The following HOXB3 variants were observed in gnomAD, a reference collection of about 807,000 sequenced individuals.
HOXB3 encodes the protein homeobox protein Hox-B3.
A neutral mutation model predicts 29.2 loss-of-function variants in HOXB3; 17 were observed. That is an observed-to-expected ratio of 0.58 (90% CI 0.40 to 0.87). The LOEUF (loss-of-function observed/expected upper bound fraction) is 0.87, where lower values mean the gene tolerates loss of function less well. Among genes scored for constraint, HOXB3 ranks in the 40% least tolerant of loss-of-function variants. The pLI, the probability that HOXB3 is intolerant of heterozygous loss-of-function variation, is 0.00. For synonymous variants in HOXB3, 317 were observed against 285.9 expected (o/e 1.11, Z -1.10); for missense variants, 637 against 616.3 (o/e 1.03, Z -0.35).
chr17:48,551,988 C>A (rs751520620), intron 4 of HOXB3, 39 bp downstream of exon 4: 1 of 1,517,640 alleles, frequency 6.6e-7, no homozygotes, highest in East Asian at 2.3e-5. Context: ...TTCCTGGCTC[C>A]GACAAAAGCT....
At chr17:48,589,471 G>A (rs967553261) in intron 1 of HOXB3, among the ~76,000 whole-genome samples, 1 of 152,186 alleles carries the variant, frequency 6.6e-6, no homozygotes, top group African/African-American at 2.4e-5. Flanking sequence ...GAGCCAAGGA[G>A]AAAGATTAGC....
At chr17:48,576,732 C>T (rs1408525482) in intron 1 of HOXB3, 11 of 1,607,108 alleles carry the variant, frequency 6.8e-6, no homozygotes, top group South Asian at 2.2e-5. Context: ...CTAGAGCGCG[C>T]GGGGGCCTCC....
At chr17:48,555,180 TG>T (rs2068914001) in intron 3 of HOXB3, among the ~76,000 whole-genome samples, 1 of 151,084 alleles carries the variant, frequency 6.6e-6, no homozygotes, top group Non-Finnish European at 1.5e-5. Flanking sequence ...AAAAAATTAA[TG>T]GGAGAAAGAA....
intron 2 of HOXB3, among the ~76,000 whole-genome samples, chr17:48,567,228 T>C (rs1311320790): frequency 6.6e-6 from 1 of 152,196 alleles, no homozygotes; most frequent in Non-Finnish European, 1.5e-5. Context: ...GAGCAGAGTG[T>C]GGGAGCGAGC....
chr17:48,560,862 A>C (rs2069168691), intron 2 of HOXB3, among the ~76,000 whole-genome samples: 1 of 152,190 alleles, frequency 6.6e-6, no homozygotes, highest in African/African-American at 2.4e-5. Flanking sequence ...GGCACCTGCT[A>C]TCACAGAATC....
chr17:48,555,377 GGAGGGAGGGAGGGAGA>G (rs2068940320), intron 3 of HOXB3, 138 bp downstream of exon 3: 2 of 626,880 alleles, frequency 3.2e-6, no homozygotes, highest in African/African-American at 4.0e-5. Flanking sequence ...AGGGAGGGAG[GGAGGGAGGGAGGGAGA>G]GAGAGAGTCG....
rs1414147639 is a variant in HOXB3, at chr17:48,550,668, T to C, written c.962A>G (p.Tyr321Cys). 1 of 1,528,000 alleles carries C rather than the reference T, an allele frequency of 6.5e-7. No homozygotes were observed. The highest frequency in any genetic ancestry group is 8.8e-7 in the Non-Finnish European group (1 of 1,139,958). The allele number at this position is 1,528,000 out of a possible 1,614,324, so 94.7% of individuals were successfully genotyped here. A position where few individuals can be genotyped will look rare whatever the true frequency, so the allele number is the denominator to read the frequency against. ...ATACTCGGGCGCCGGGGTCGGAGGG[T>C]ACTTCTGCGGGGCGCCGCAGCCTTT... Reference protein sequence around the residue: ...PLKGCGAPQKYPPTPAPEYEP... With the variant: ...PLKGCGAPQKCPPTPAPEYEP... The change falls in exon 5 of 5, where the codon TAC (tyrosine) becomes TGC (cysteine). Residue 321 changes from tyrosine to cysteine, a missense_variant. Transcript: ENST00000498678.
rs1371244354 is a variant in HOXB3 at position 48,554,457 on chromosome 17, C to A, written c.-159+1074G>T. 3.3e-6 allele frequency: 2 copies of A among 598,372 alleles called. No individual in the cohort carries two copies. The highest frequency in any genetic ancestry group is 6.0e-6 in the Non-Finnish European group (2 of 336,104). The allele number at this position is 598,372 out of a possible 1,614,324, so 37.1% of individuals were successfully genotyped here. A position where few individuals can be genotyped will look rare whatever the true frequency, so the allele number is the denominator to read the frequency against. ...AAACCATCGCGGGACGGAGGCCAGG[C>A]GAGTGTGGAAAGCGAAGGAGCCAGA... On this transcript the variant is annotated intron_variant, in intron 3 of 4. Transcript: ENST00000498678. This position sits in a 1 kb window ranked among gnomAD's most constrained non-coding sequence, Gnocchi z 4.1.
chr17:48,563,357 G>A (rs1037922909), intron 2 of HOXB3, among the ~76,000 whole-genome samples: 1 of 152,162 alleles, frequency 6.6e-6, no homozygotes, highest in Non-Finnish European at 1.5e-5. Flanking sequence ...AGAACATGGG[G>A]TCTCTCTCCT....
At chr17:48,562,135 A>G (rs2069218742) in intron 2 of HOXB3, among the ~76,000 whole-genome samples, 1 of 152,112 alleles carries the variant, frequency 6.6e-6, no homozygotes, top group East Asian at 1.9e-4. Flanking sequence ...TTCTACCCTC[A>G]TTACCAAACC....
At chr17:48,579,956 C>T (rs1180867247) in intron 1 of HOXB3, 3 of 511,168 alleles carry the variant, frequency 5.9e-6, no homozygotes, top group Non-Finnish European at 1.2e-5. Context: ...TCTTCTTGGC[C>T]CAGAAATTTT....
intron 2 of HOXB3, among the ~76,000 whole-genome samples, chr17:48,568,573 AT>A (rs1214959690): frequency 6.6e-6 from 1 of 152,114 alleles, no homozygotes; most frequent in Non-Finnish European, 1.5e-5. Context: ...TCCGTGAAAA[AT>A]GATTTATCGA....
intron 2 of HOXB3, among the ~76,000 whole-genome samples, chr17:48,559,140 T>C (rs1389767641): frequency 6.6e-6 from 1 of 151,840 alleles, no homozygotes; most frequent in Non-Finnish European, 1.5e-5. Flanking sequence ...GGCACTTCTC[T>C]CCCCCACCCC....
At position 48,550,642 on chromosome 17, in the gene HOXB3, C is replaced by T. The variant is rs780476140; in HGVS notation, c.988G>A (p.Glu330Lys). 33 of 1,524,872 alleles carry T rather than the reference C, an allele frequency of 2.2e-5. No individual in the cohort carries two copies. The highest frequency in any genetic ancestry group is 1.2e-4 in the South Asian group (9 of 76,416). 94.5% of individuals were successfully genotyped at this position (1,524,872 alleles called of 1,614,324 possible). The change falls in exon 5 of 5, where the codon GAG becomes AAG. Residue 330 changes from glutamate to lysine, a missense_variant. Coordinates refer to ENST00000498678, the MANE Select transcript of HOXB3 (RefSeq NM_001384749.1). ...KYPPTPAPEY[E>K]PHVLQANGGA... ...CCGTTGGCTTGGAGGACGTGCGGCT[C>T]ATACTCGGGCGCCGGGGTCGGAGGG...
chr17:48,573,735 A>G (rs2069661809), intron 2 of HOXB3, 102 bp downstream of exon 2: 4 of 645,320 alleles, frequency 6.2e-6, no homozygotes, highest in Non-Finnish European at 1.1e-5. Flanking sequence ...CAAGAAAGTT[A>G]AAAAAGAAAA....
chr17:48,551,128 TGCCACCACTGCCTCCGCC>T lies in HOXB3; in HGVS notation c.484_501del (p.Gly162_Gly167del), dbSNP rs776807827. ...CCGCCGCCGCCGCCACCGCCCCCGC[TGCCACCACTGCCTCCGCC>T]GCCGCCGCCACCGCCGCCGCCACCA... On this transcript the variant is annotated inframe_deletion, in exon 5 of 5. Coordinates refer to ENST00000498678, the MANE Select transcript of HOXB3 (RefSeq NM_001384749.1). 13 of 1,325,436 alleles carry T rather than the reference TGCCACCACTGCCTCCGCC, an allele frequency of 9.8e-6. No homozygotes were observed. Among genetic ancestry groups the T allele is most frequent in the Admixed American group, 3.2e-5 (1 of 31,668 alleles). 82.1% of individuals were successfully genotyped at this position (1,325,436 alleles called of 1,614,324 possible). A position where few individuals can be genotyped will look rare whatever the true frequency, so the allele number is the denominator to read the frequency against.
intron 2 of HOXB3, among the ~76,000 whole-genome samples, chr17:48,571,329 G>T (rs1213691450): frequency 6.6e-6 from 1 of 152,246 alleles, no homozygotes; most frequent in African/African-American, 2.4e-5. Flanking sequence ...TTCCCAGGGA[G>T]ACCCACTGCC....
At chr17:48,578,122 C>T in intron 1 of HOXB3, 1 of 1,369,874 alleles carries the variant, frequency 7.3e-7, no homozygotes, top group Non-Finnish European at 9.6e-7. Context: ...CCCGGCAGGC[C>T]GCGTAGCGCT....
chr17:48,565,163 A>C (rs894465850), intron 2 of HOXB3, among the ~76,000 whole-genome samples: 3 of 152,164 alleles, frequency 2.0e-5, no homozygotes, highest in Admixed American at 6.5e-5. Flanking sequence ...TCCAGGTGTG[A>C]AAGTCCCAAC....
Sources: allele counts gnomAD v4.1 joint callset (sites outside exome capture counted in the v4.1 genomes callset), GRCh38; gene constraint gnomAD v4.1.1; non-coding constraint Gnocchi (gnomAD v3.1); transcripts MANE v1.5; gene names NCBI Gene and HGNC (gene_info 2026-07-23, HGNC 2026-07-21).